C11orf65: variants seen among roughly 807,000 people sequenced by gnomAD.
The protein encoded by C11orf65 is protein MFI.
A neutral mutation model predicts 35.3 loss-of-function variants in C11orf65; 38 were observed. The ratio of observed to expected loss-of-function variants is 1.08; its 90% CI spans 0.83 to 1.41. The LOEUF is 1.41. C11orf65 is among the 40% of genes most tolerant of loss of function. The pLI is 0.00. For missense variants in C11orf65, 370 were observed against 367.1 expected (o/e 1.01, Z -0.06); for synonymous variants, 105 against 114.4 (o/e 0.92, Z 0.53).
chr11:108,438,291 C>A (rs779072930), intron 2 of C11orf65, among the ~76,000 whole-genome samples: 24 of 152,140 alleles, frequency 1.6e-4, no homozygotes, highest in Non-Finnish European at 3.1e-4. Flanking sequence ...GTGGCTCACG[C>A]CTATAATTTC....
chr11:108,417,021 A>G (rs1474268498), intron 3 of C11orf65, among the ~76,000 whole-genome samples: 1 of 152,250 alleles, frequency 6.6e-6, no homozygotes, highest in Non-Finnish European at 1.5e-5. Flanking sequence ...AATCTCTTGA[A>G]TAAGTTTAAA....
chr11:108,321,228 A>G lies in C11orf65; in HGVS notation c.641-12157T>C, dbSNP rs1190919910. The stretch of plus-strand genomic sequence containing the variant: ...AAGCCTATGATGAGAACTCTTTAAC[A>G]ACAAATTTAAACATTTATTTCCCTG... On this transcript the variant is annotated intron_variant, in intron 6 of 6. Coordinates refer to the C11orf65 transcript ENST00000525729. The G allele has an allele frequency of 2.5e-6, 4 of 1,593,906 alleles. No homozygotes were observed. The East Asian group carries it at 6.7e-5, about 27-fold the overall frequency.
At position 108,309,330 on chromosome 11, in the gene C11orf65, C is replaced by G. The variant is rs575806495; in HGVS notation, c.641-259G>C. Among the ~76,000 whole-genome samples the G allele has an allele frequency of 2.0e-5, 3 of 152,262 alleles. No individual in the cohort carries two copies. In the East Asian group the frequency reaches 5.8e-4, roughly 29 times the overall value. On this transcript the variant is annotated intron_variant, in intron 6 of 6. Coordinates refer to the C11orf65 transcript ENST00000525729. Reference sequence around the variant, plus strand: ...TCACTTCTCTGAACTTAACATTCATCGGAAAATTAACTTTAGTTGAGTGCT... The same window carrying G: ...TCACTTCTCTGAACTTAACATTCATGGGAAAATTAACTTTAGTTGAGTGCT...
intron 6 of C11orf65, chr11:108,317,332 C>CT (rs2084765822): frequency 3.1e-6 from 5 of 1,592,270 alleles, no homozygotes; most frequent in Non-Finnish European, 4.3e-6. Context: ...CTGTTGATAT[C>CT]TTTGATTACT....
chr11:108,395,426 G>A (rs1216265283), intron 6 of C11orf65, among the ~76,000 whole-genome samples: 1 of 151,342 alleles, frequency 6.6e-6, no homozygotes, highest in Admixed American at 6.6e-5. Context: ...CCGGGTTCAA[G>A]CAATTCTCCT....
intron 2 of C11orf65, among the ~76,000 whole-genome samples, chr11:108,451,486 C>T (rs1006287288): frequency 6.6e-6 from 1 of 151,902 alleles, no homozygotes; most frequent in Non-Finnish European, 1.5e-5. Context: ...CTACAAACCA[C>T]TGCTCAACAA....
chr11:108,422,114 GA>G (rs2092827084), intron 3 of C11orf65, among the ~76,000 whole-genome samples: 2 of 152,056 alleles, frequency 1.3e-5, no homozygotes, highest in African/African-American at 4.8e-5. Context: ...ATTTTTAGTA[GA>G]GACGGGGTTT....
chr11:108,398,806 T>C (rs1591465540), intron 6 of C11orf65, among the ~76,000 whole-genome samples: 1 of 152,236 alleles, frequency 6.6e-6, no homozygotes, highest in Non-Finnish European at 1.5e-5. Flanking sequence ...AATAAAATGA[T>C]GACGATGGAT....
intron 6 of C11orf65, chr11:108,310,039 T>C (rs2084009944): frequency 9.8e-6 from 10 of 1,018,702 alleles, no homozygotes; most frequent in Admixed American, 2.3e-5. Flanking sequence ...GGAAATGTGG[T>C]TTTTGGGAAT....
At chr11:108,368,008 G>A (rs1011438957) in intron 2 of C11orf65, 2 of 205,872 alleles carry the variant, frequency 9.7e-6, no homozygotes, top group Non-Finnish European at 2.0e-5. Flanking sequence ...TGAATTTGTA[G>A]CTAATTCTTG....
At chr11:108,417,142 G>C (rs2092746346) in intron 3 of C11orf65, among the ~76,000 whole-genome samples, 1 of 152,138 alleles carries the variant, frequency 6.6e-6, no homozygotes, top group Non-Finnish European at 1.5e-5. Flanking sequence ...AATAGTAACA[G>C]GGTAGATTTA....
Position 108,325,472 on chromosome 11 carries a change from A to G in C11orf65, c.641-16401T>C, listed in dbSNP as rs2136315259. 1 of 1,613,762 alleles carries G rather than the reference A, an allele frequency of 6.2e-7. No homozygotes were observed. Among genetic ancestry groups the G allele is most frequent in the Non-Finnish European group, 8.5e-7 (1 of 1,179,922 alleles). ...AGGAAATGGACAACTCACAAAGAGAATGTATTAAGGACATTCTCACCAAAC... is the reference window on the plus strand; with the variant it reads ...AGGAAATGGACAACTCACAAAGAGAGTGTATTAAGGACATTCTCACCAAAC... On this transcript the variant is annotated intron_variant, in intron 6 of 6. Transcript: ENST00000525729.
chr11:108,439,479 T>C (rs2093116669), intron 2 of C11orf65, among the ~76,000 whole-genome samples: 1 of 152,172 alleles, frequency 6.6e-6, no homozygotes, highest in Non-Finnish European at 1.5e-5. Flanking sequence ...CTTCTAGACA[T>C]ATACCAAAAA....
intron 1 of C11orf65, 136 bp from the exon 2 acceptor site, chr11:108,461,704 T>C (rs1022460838): frequency 5.3e-6 from 3 of 571,094 alleles, no homozygotes; most frequent in Non-Finnish European, 9.1e-6. Context: ...GATAGCTCAC[T>C]GTAGCCTCAA....
At chr11:108,342,793 C>T (rs1233756225) in intron 2 of C11orf65, among the ~76,000 whole-genome samples, 1 of 152,094 alleles carries the variant, frequency 6.6e-6, no homozygotes. Context: ...CATGTAATTT[C>T]AATAATGAAG....
intron 3 of C11orf65, chr11:108,331,826 T>G (rs1393236867): frequency 5.7e-6 from 9 of 1,581,386 alleles, no homozygotes; most frequent in Non-Finnish European, 7.8e-6. Context: ...ATGAAAAATA[T>G]GGATTATATT....
intron 2 of C11orf65, among the ~76,000 whole-genome samples, chr11:108,374,273 ACTC>A (rs1455673733): frequency 6.6e-6 from 1 of 152,106 alleles, no homozygotes; most frequent in Non-Finnish European, 1.5e-5. Context: ...ATGGCCAGGT[ACTC>A]CTCTGAGACA....
At chr11:108,317,336 G>T (rs2136160147) in intron 6 of C11orf65, 7 of 1,596,398 alleles carry the variant, frequency 4.4e-6, no homozygotes, top group South Asian at 2.2e-5. Flanking sequence ...TGATATCTTT[G>T]ATTACTTAAC....
At chr11:108,384,699 G>C (rs1489961275) in intron 8 of C11orf65, among the ~76,000 whole-genome samples, 3 of 152,044 alleles carry the variant, frequency 2.0e-5, no homozygotes, top group Non-Finnish European at 2.9e-5. Context: ...CTTGAGCCTG[G>C]GAGGCAGAGG....
Sources: allele counts gnomAD v4.1 joint callset (sites outside exome capture counted in the v4.1 genomes callset), GRCh38; gene constraint gnomAD v4.1.1; transcripts MANE v1.5; gene names NCBI Gene and HGNC (gene_info 2026-07-23, HGNC 2026-07-21).